The following S100PBP variants were observed in gnomAD, a reference collection of about 807,000 sequenced individuals.
S100PBP encodes the protein S100P-binding protein.
A neutral mutation model predicts 39.9 loss-of-function variants in S100PBP; 15 were observed. The observed-to-expected ratio is 0.38, with a 90% CI of 0.25 to 0.58. The LOEUF (loss-of-function observed/expected upper bound fraction) is 0.58. Among genes scored for constraint, S100PBP ranks in the 20% least tolerant of loss-of-function variants. The pLI, the probability that S100PBP is intolerant of heterozygous loss-of-function variation, is 0.70. For synonymous variants in S100PBP, 178 were observed against 180.3 expected, an observed-to-expected ratio of 0.99 and a Z score of 0.10; for missense variants, 504 against 487.3, an observed-to-expected ratio of 1.03 and a Z score of -0.32.
At chr1:32,834,425 G>T (rs1288112604) in intron 5 of S100PBP, among the ~76,000 whole-genome samples, 1 of 152,102 alleles carries the variant, frequency 6.6e-6, no homozygotes, top group Non-Finnish European at 1.5e-5. Context: ...TCTGTTTCTT[G>T]TGGTATCATT....
At chr1:32,831,824 T>C (rs2148655791) in intron 5 of S100PBP, among the ~76,000 whole-genome samples, 1 of 152,302 alleles carries the variant, frequency 6.6e-6, no homozygotes, top group South Asian at 2.1e-4. Flanking sequence ...CCTTTTTTTA[T>C]ATCCTAGGCA....
intron 5 of S100PBP, among the ~76,000 whole-genome samples, chr1:32,844,578 G>A (rs1000585591): frequency 5.9e-5 from 9 of 152,036 alleles, no homozygotes; most frequent in African/African-American, 2.2e-4. Flanking sequence ...CTTAGCTCAA[G>A]TAATACTCTT....
chr1:32,847,530 C>T (rs1174771080), intron 5 of S100PBP: 1 of 152,162 alleles, frequency 6.6e-6, no homozygotes, highest in Non-Finnish European at 1.5e-5. Flanking sequence ...AGATCATAAA[C>T]AGCAATGGTT....
At chr1:32,818,915 T>C (rs1228549564) in intron 1 of S100PBP, 1 of 152,192 alleles carries the variant, frequency 6.6e-6, no homozygotes, top group Non-Finnish European at 1.5e-5. Context: ...CCACTGGAAA[T>C]AATCTCTGCT....
At chr1:32,844,028 CT>C (rs1019838456) in intron 5 of S100PBP, among the ~76,000 whole-genome samples, 29 of 152,086 alleles carry the variant, frequency 1.9e-4, no homozygotes, top group African/African-American at 6.0e-4. Flanking sequence ...ATTCTCCTGC[CT>C]CAGCCTCCCG....
upstream of S100PBP, chr1:32,817,181 G>A: frequency 3.1e-6 from 5 of 1,614,126 alleles, no homozygotes; most frequent in Non-Finnish European, 4.2e-6. Flanking sequence ...CAACCCCCAG[G>A]CCTGACCTGC....
intron 5 of S100PBP, among the ~76,000 whole-genome samples, chr1:32,850,352 A>G (rs925361460): frequency 1.3e-5 from 2 of 152,184 alleles, no homozygotes; most frequent in African/African-American, 4.8e-5. Context: ...TCCCACTGAA[A>G]TGTCCTTTTT....
chr1:32,826,867 T>C lies in S100PBP; in HGVS notation c.768T>C (p.Asn256=), dbSNP rs1639356381. 6.2e-7 allele frequency: 1 copy of C among 1,612,328 alleles called. No individual in the cohort carries two copies. Among genetic ancestry groups the C allele is most frequent in the African/African-American group, 1.3e-5 (1 of 74,862 alleles). ...CTAATATGGAGTTATCCTGCAGAAATGGTGGTTCACACAAGTCAAGTTGTG... is the reference window on the plus strand; with the variant it reads ...CTAATATGGAGTTATCCTGCAGAAACGGTGGTTCACACAAGTCAAGTTGTG... ...ETPNMELSCR[N]GGSHKSSCEM... Residue 256 remains asparagine, a synonymous_variant, in exon 3 of 7, where the codon AAT becomes AAC. Coordinates refer to ENST00000373475, the MANE Select transcript of S100PBP (RefSeq NM_022753.4).
chr1:32,825,650 A>G (rs1027555200), intron 2 of S100PBP, among the ~76,000 whole-genome samples: 4 of 152,230 alleles, frequency 2.6e-5, no homozygotes, highest in African/African-American at 9.6e-5. Flanking sequence ...TAGCACAAAC[A>G]TACCATGATT....
chr1:32,839,933 C>T (rs1453873329), intron 5 of S100PBP, among the ~76,000 whole-genome samples: 2 of 152,172 alleles, frequency 1.3e-5, no homozygotes, highest in Non-Finnish European at 2.9e-5. Flanking sequence ...CCCACCTGAG[C>T]CTCCCGAGTA....
At chr1:32,820,933 G>A (rs759873226) in intron 1 of S100PBP, among the ~76,000 whole-genome samples, 11 of 152,152 alleles carry the variant, frequency 7.2e-5, no homozygotes, top group Non-Finnish European at 1.2e-4. Context: ...CTATGATCAC[G>A]CCACTGTTTT....
At chr1:32,825,987 A>G in intron 2 of S100PBP, 111 bp from the exon 3 acceptor site, 1 of 722,926 alleles carries the variant, frequency 1.4e-6, no homozygotes, top group Non-Finnish European at 2.3e-6. Flanking sequence ...TTATGCTACA[A>G]GTCACAGTGC....
chr1:32,817,094 G>A, upstream of S100PBP: 1 of 1,512,028 alleles, frequency 6.6e-7, no homozygotes, highest in Admixed American at 1.7e-5. Context: ...CGAGTCCCCG[G>A]CCCCACATAC....
chr1:32,839,718 C>T lies in S100PBP; in HGVS notation c.1024+9651C>T, dbSNP rs976637422. Among the ~76,000 whole-genome samples the T allele has an allele frequency of 6.6e-5, 10 of 152,280 alleles. No homozygotes were observed. In the East Asian group the frequency reaches 1.9e-3, roughly 29 times the overall value. ...AGAGACGGGGTCTCACTGTGTTGCTCAGGCTGGTTGTGAACTCCTGGGCTC... is the reference window on the plus strand; with the variant it reads ...AGAGACGGGGTCTCACTGTGTTGCTTAGGCTGGTTGTGAACTCCTGGGCTC... On this transcript the variant is annotated intron_variant, in intron 5 of 6. Coordinates refer to ENST00000373475, the MANE Select transcript of S100PBP (RefSeq NM_022753.4).
At chr1:32,830,104 T>A in intron 5 of S100PBP, 37 bp downstream of exon 5, 1 of 1,262,762 alleles carries the variant, frequency 7.9e-7, no homozygotes, top group Non-Finnish European at 1.2e-6. Context: ...ATAAAACATG[T>A]GATGTGACTT....
intron 5 of S100PBP, among the ~76,000 whole-genome samples, chr1:32,834,542 A>G (rs1198725915): frequency 6.6e-6 from 1 of 152,136 alleles, no homozygotes; most frequent in Non-Finnish European, 1.5e-5. Context: ...CCTAGGTGCT[A>G]TTGTGTATTC....
At chr1:32,820,585 C>A (rs1639010399) in intron 1 of S100PBP, 1 of 152,158 alleles carries the variant, frequency 6.6e-6, no homozygotes, top group African/African-American at 2.4e-5. Context: ...TTAATTCTTG[C>A]CACAACCCTA....
At chr1:32,845,301 G>C (rs1569928211) in intron 5 of S100PBP, among the ~76,000 whole-genome samples, 1 of 152,134 alleles carries the variant, frequency 6.6e-6, no homozygotes. Context: ...GTAGCCGAGT[G>C]TTGTGGTGGC....
At chr1:32,842,238 C>T (rs1013198135) in intron 5 of S100PBP, among the ~76,000 whole-genome samples, 2,680 of 28,200 alleles carry the variant, frequency 0.095, 24 homozygotes, top group Middle Eastern at 0.19. Context: ...TATATATATA[C>T]ACACACACAC....
Sources: gnomAD v4.1 joint callset for allele counts (sites outside exome capture counted in the v4.1 genomes callset) on GRCh38, gnomAD v4.1.1 for gene constraint, MANE v1.5 for transcripts, NCBI Gene and HGNC (gene_info 2026-07-23, HGNC 2026-07-21) for gene names.